EYS: variants seen among roughly 807,000 people sequenced by gnomAD.
EYS encodes protein eyes shut homolog.
A neutral mutation model predicts 282.1 loss-of-function variants in EYS; 250 were observed. The observed-to-expected ratio is 0.89, with a 90% CI of 0.80 to 0.98. The LOEUF is 0.98. Ranked by LOEUF, EYS falls within the 50% of genes least tolerant of loss-of-function variation. The pLI is 0.00. For missense variants in EYS, 4,016 were observed against 3,709.0 expected, an observed-to-expected ratio of 1.08 and a Z score of -2.15; for synonymous variants, 1,355 against 1,282.9, an observed-to-expected ratio of 1.06 and a Z score of -1.20.
At chr6:65,188,021 C>T (rs777282363) in intron 12 of EYS, among the ~76,000 whole-genome samples, 9 of 151,568 alleles carry the variant, frequency 5.9e-5, no homozygotes, top group Non-Finnish European at 1.2e-4. Context: ...ATTAAACTTT[C>T]ATGTAAAATT....
intron 22 of EYS, among the ~76,000 whole-genome samples, chr6:64,790,257 G>C (rs1240075101): frequency 6.6e-6 from 1 of 151,924 alleles, no homozygotes; most frequent in Non-Finnish European, 1.5e-5. Context: ...AAATTAAAGA[G>C]TAGACTGGAT....
intron 30 of EYS, among the ~76,000 whole-genome samples, chr6:64,258,280 C>A (rs1026470177): frequency 2.6e-5 from 4 of 151,952 alleles, no homozygotes; most frequent in Non-Finnish European, 4.4e-5. Context: ...TTTTCAGACA[C>A]CCCAATGCAA....
chr6:65,517,686 A>G (rs1008884894), intron 2 of EYS, among the ~76,000 whole-genome samples: 1 of 152,114 alleles, frequency 6.6e-6, no homozygotes, highest in Non-Finnish European at 1.5e-5. Flanking sequence ...AACATTTAAG[A>G]ATAGTAGTAT....
At chr6:65,320,381 A>G (rs1316408616) in intron 11 of EYS, among the ~76,000 whole-genome samples, 2 of 152,212 alleles carry the variant, frequency 1.3e-5, no homozygotes, top group Admixed American at 6.5e-5. Context: ...TAAGACTAGC[A>G]GAGCTGCAGC....
chr6:65,140,977 C>A (rs1447990248), intron 12 of EYS, among the ~76,000 whole-genome samples: 1 of 151,558 alleles, frequency 6.6e-6, no homozygotes, highest in African/African-American at 2.4e-5. Context: ...TTTGACCCAG[C>A]CATCCCATTA....
chr6:65,186,687 G>T (rs1474726641), intron 12 of EYS, among the ~76,000 whole-genome samples: 3 of 151,684 alleles, frequency 2.0e-5, no homozygotes, highest in African/African-American at 7.3e-5. Context: ...ACAATTCATG[G>T]AAAGCACTTA....
rs190502629 is a variant in EYS, at chr6:65,272,680, T to G, written c.2023+23183A>C. On this transcript the variant is annotated intron_variant, in intron 12 of 42. Coordinates refer to ENST00000503581, the MANE Select transcript of EYS (RefSeq NM_001142800.2). ...CATTAATCCATTCATGTATTATAAT[T>G]ATTACATATATATAAATGTCATTCT... 1.5e-3 allele frequency among the ~76,000 whole-genome samples: 232 copies of G among 152,306 alleles called. 1 individual carries two copies. Among genetic ancestry groups the G allele is most frequent in the African/African-American group, 4.9e-3 (202 of 41,582 alleles).
chr6:64,519,373 A>T (rs1215448635), intron 26 of EYS, among the ~76,000 whole-genome samples: 1 of 151,880 alleles, frequency 6.6e-6, no homozygotes, highest in Non-Finnish European at 1.5e-5. Flanking sequence ...AGTCTTTGAT[A>T]TAGAGATTTG....
chr6:63,723,040 A>T (rs1768466376), intron 42 of EYS, among the ~76,000 whole-genome samples: 1 of 152,212 alleles, frequency 6.6e-6, no homozygotes, highest in Non-Finnish European at 1.5e-5. Flanking sequence ...CCAAAACGGT[A>T]TCTGGCCCAT....
At chr6:65,291,632 C>G (rs2150283439) in intron 12 of EYS, among the ~76,000 whole-genome samples, 1 of 151,472 alleles carries the variant, frequency 6.6e-6, no homozygotes, top group South Asian at 2.1e-4. Flanking sequence ...AGGAAGTTGA[C>G]AAAAACTAAA....
At chr6:64,345,902 G>A (rs1256794098) in intron 29 of EYS, among the ~76,000 whole-genome samples, 1 of 152,118 alleles carries the variant, frequency 6.6e-6, no homozygotes, top group Non-Finnish European at 1.5e-5. Flanking sequence ...GATATGAACA[G>A]ACACTTCTCA....
At chr6:64,377,938 T>C (rs1772615224) in intron 29 of EYS, 2 of 152,162 alleles carry the variant, frequency 1.3e-5, no homozygotes, top group African/African-American at 4.8e-5. Flanking sequence ...TATGGGTAAG[T>C]ACGCATCTAC....
intron 27 of EYS, among the ~76,000 whole-genome samples, chr6:64,437,517 A>T (rs9362836): frequency 0.28 from 41,967 of 151,514 alleles, 5,932 homozygotes; most frequent in East Asian, 0.46. Context: ...AGAGTTCAAA[A>T]CTCAGCTCTG....
intron 1 of EYS, among the ~76,000 whole-genome samples, chr6:65,689,781 C>G (rs1396979048): frequency 2.7e-5 from 4 of 149,790 alleles, no homozygotes; most frequent in African/African-American, 4.9e-5. Context: ...TGGTGGTTTG[C>G]TGCACCCCTC....
At chr6:65,033,013 A>G (rs1426649528) in intron 13 of EYS, among the ~76,000 whole-genome samples, 1 of 152,192 alleles carries the variant, frequency 6.6e-6, no homozygotes, top group African/African-American at 2.4e-5. Flanking sequence ...CACATGTGTT[A>G]TGCCCTAGCA....
In EYS at chr6:64,639,804, G is replaced by A. The variant is rs537687061; in HGVS notation, c.3444-13559C>T. On this transcript the variant is annotated intron_variant, in intron 22 of 42. Coordinates refer to ENST00000503581, the MANE Select transcript of EYS (RefSeq NM_001142800.2). ...ACCTACAGAATGGGAGAAAATTTTC[G>A]CAACCTGTTCATCTGACAAAGGGCT... Among the ~76,000 whole-genome samples the A allele has an allele frequency of 2.2e-5, 2 of 91,580 alleles. 1 individual carries two copies. The highest frequency in any genetic ancestry group is 2.3e-4 in the Admixed American group (2 of 8,656). The allele number at this position is 91,580 out of a possible 152,430, so 60.1% of individuals were successfully genotyped here.
chr6:64,539,649 A>G (rs1484111722), intron 26 of EYS, among the ~76,000 whole-genome samples: 1 of 152,150 alleles, frequency 6.6e-6, no homozygotes, highest in Non-Finnish European at 1.5e-5. Context: ...TGCTGATGCC[A>G]CTGGTTCATA....
At chr6:65,305,794 T>C (rs1355626416) in intron 11 of EYS, among the ~76,000 whole-genome samples, 1 of 152,186 alleles carries the variant, frequency 6.6e-6, no homozygotes, top group Non-Finnish European at 1.5e-5. Context: ...CAAAATATGG[T>C]TAATTTTTTA....
At chr6:64,019,745 TAAG>T (rs528428763) in intron 33 of EYS, among the ~76,000 whole-genome samples, 142 of 151,236 alleles carry the variant, frequency 9.4e-4, no homozygotes, top group African/African-American at 3.0e-3. Context: ...ATGTTAAAAA[TAAG>T]AAGCAAAGGT....
Sources: gnomAD v4.1 joint callset for allele counts (sites outside exome capture counted in the v4.1 genomes callset) on GRCh38, gnomAD v4.1.1 for gene constraint, MANE v1.5 for transcripts, NCBI Gene and HGNC (gene_info 2026-07-23, HGNC 2026-07-21) for gene names.